GABPB1: variants seen among roughly 807,000 people sequenced by gnomAD.
GABPB1 encodes GA-binding protein subunit beta-1.
A neutral mutation model predicts 45.9 loss-of-function variants in GABPB1; 15 were observed. The observed-to-expected ratio is 0.33, with a 90% CI of 0.22 to 0.50. GABPB1 has a LOEUF of 0.50. Among genes scored for constraint, GABPB1 ranks in the 20% least tolerant of loss-of-function variants. The pLI, the probability that GABPB1 is intolerant of heterozygous loss-of-function variation, is 0.98. For synonymous variants in GABPB1, 143 were observed against 154.4 expected, an observed-to-expected ratio of 0.93 and a Z score of 0.55; for missense variants, 252 against 457.5, an observed-to-expected ratio of 0.55 and a Z score of 4.10.
At chr15:50,297,365 A>G (rs1350793826) in intron 6 of GABPB1, among the ~76,000 whole-genome samples, 2 of 151,728 alleles carry the variant, frequency 1.3e-5, no homozygotes, top group African/African-American at 4.8e-5. Flanking sequence ...GGGGCACACC[A>G]CCACACCCAG....
chr15:50,301,754 C>T (rs1419939397), intron 4 of GABPB1, among the ~76,000 whole-genome samples: 1 of 151,920 alleles, frequency 6.6e-6, no homozygotes, highest in Non-Finnish European at 1.5e-5. Flanking sequence ...ATAGTGAGAC[C>T]CCCATCTCAA....
intron 1 of GABPB1, among the ~76,000 whole-genome samples, chr15:50,312,506 T>G (rs781765523): frequency 6.6e-6 from 1 of 152,176 alleles, no homozygotes; most frequent in Non-Finnish European, 1.5e-5. Context: ...AATATGTAAC[T>G]GCTGGACAGT....
chr15:50,333,482 C>T (rs2048012036), intron 1 of GABPB1, among the ~76,000 whole-genome samples: 1 of 152,074 alleles, frequency 6.6e-6, no homozygotes, highest in Non-Finnish European at 1.5e-5. Context: ...GCCTGGGTGA[C>T]AGAGTGAGAC....
rs529947246 is a variant in GABPB1, at chr15:50,319,729, C to T, written c.1-9931G>A. Among the ~76,000 whole-genome samples, 20 of 152,054 alleles carry T rather than the reference C, an allele frequency of 1.3e-4. No individual in the cohort carries two copies. The East Asian group carries it at 2.5e-3, about 19-fold the overall frequency. On this transcript the variant is annotated intron_variant, in intron 1 of 8. Coordinates refer to ENST00000380877, the MANE Select transcript of GABPB1 (RefSeq NM_016654.5). ...GCAGGCGCCTGTAATCCCAGCTACTCGGGAAGCTGAGGCAGGAGAATCGTT... is the reference window on the plus strand; with the variant it reads ...GCAGGCGCCTGTAATCCCAGCTACTTGGGAAGCTGAGGCAGGAGAATCGTT...
intron 1 of GABPB1, among the ~76,000 whole-genome samples, chr15:50,334,025 G>A (rs1241935450): frequency 4.5e-5 from 5 of 111,184 alleles, no homozygotes; most frequent in South Asian, 2.8e-4. Flanking sequence ...AGTGAAACTC[G>A]ATCTCAAAAA....
chr15:50,351,909 G>A (rs913007907), intron 1 of GABPB1: 1 of 152,190 alleles, frequency 6.6e-6, no homozygotes, highest in Non-Finnish European at 1.5e-5. Flanking sequence ...GCACATCAGA[G>A]CTATAGAAAC....
chr15:50,287,550 C>A (rs2046206734), intron 7 of GABPB1, among the ~76,000 whole-genome samples: 2 of 152,144 alleles, frequency 1.3e-5, no homozygotes, highest in Non-Finnish European at 2.9e-5. Flanking sequence ...CTGAGGTAGA[C>A]CATGTGAGGA....
Position 50,351,699 on chromosome 15 carries a change from G to A in GABPB1, c.-1+3286C>T, listed in dbSNP as rs1411983815. ...AGGGAGGGAGGGAGGGAGACAGAAA[G>A]GTGCACTAGCCCACCAACTGAACTG... On this transcript the variant is annotated intron_variant, in intron 1 of 8. Transcript: ENST00000380877. 4 of 151,622 alleles carry A rather than the reference G, an allele frequency of 2.6e-5. No individual in the cohort carries two copies. The East Asian group carries it at 7.8e-4, about 29-fold the overall frequency. The allele number at this position is 151,622 out of a possible 1,614,324, so 9.4% of individuals were successfully genotyped here.
chr15:50,355,130 G>T lies in GABPB1; in HGVS notation c.-146C>A, dbSNP rs1200734795. ...GGGCGCTATTTTCCGAAAATGCCGC[G>T]TCTGGTCGGCGCCCAAAATCCCCAC... On this transcript the variant is annotated 5_prime_UTR_variant, in exon 1 of 9. Transcript: ENST00000380877. 3 of 153,126 alleles carry T rather than the reference G, an allele frequency of 2.0e-5. No homozygotes were observed. The highest frequency in any genetic ancestry group is 4.4e-5 in the Non-Finnish European group (3 of 68,306). The allele number at this position is 153,126 out of a possible 1,614,324, so 9.5% of individuals were successfully genotyped here. A position where few individuals can be genotyped will look rare whatever the true frequency, so the allele number is the denominator to read the frequency against.
intron 7 of GABPB1, among the ~76,000 whole-genome samples, chr15:50,286,566 C>T (rs2046163737): frequency 6.6e-6 from 1 of 151,980 alleles, no homozygotes; most frequent in Admixed American, 6.6e-5. Flanking sequence ...AATTAGTATA[C>T]ATTCTCATTT....
At chr15:50,292,638 A>G (rs2046387434) in intron 6 of GABPB1, among the ~76,000 whole-genome samples, 1 of 152,184 alleles carries the variant, frequency 6.6e-6, no homozygotes, top group Non-Finnish European at 1.5e-5. Context: ...AAATCTGACT[A>G]TACACGACAT....
chr15:50,294,126 G>A (rs1393519137), intron 6 of GABPB1, among the ~76,000 whole-genome samples: 1 of 152,096 alleles, frequency 6.6e-6, no homozygotes, highest in African/African-American at 2.4e-5. Context: ...TAAGAATTCT[G>A]AATTCAGATG....
chr15:50,309,635 C>CA lies in GABPB1; in HGVS notation c.108+55dup, dbSNP rs1028283184. 23 of 1,116,050 alleles carry CA rather than the reference C, an allele frequency of 2.1e-5. No individual in the cohort carries two copies. The African/African-American group carries it at 3.1e-4, about 15-fold the overall frequency. 69.1% of individuals were successfully genotyped at this position (1,116,050 alleles called of 1,614,324 possible). A position where few individuals can be genotyped will look rare whatever the true frequency, so the allele number is the denominator to read the frequency against. On this transcript the variant is annotated intron_variant, in intron 2 of 8. Coordinates refer to ENST00000380877, the MANE Select transcript of GABPB1 (RefSeq NM_016654.5). Reference sequence around the variant, plus strand: ...ACAATACTGACTACATTTTTCTCTGCAAAAACTCAAAAATGAGAAGGAAAA... The same window carrying CA: ...ACAATACTGACTACATTTTTCTCTGCAAAAAACTCAAAAATGAGAAGGAAAA...
chr15:50,307,584 C>T (rs1450199090), intron 2 of GABPB1, among the ~76,000 whole-genome samples: 2 of 151,834 alleles, frequency 1.3e-5, no homozygotes, highest in African/African-American at 4.8e-5. Context: ...TGCCTGTAAT[C>T]TCAGCTACTT....
intron 8 of GABPB1, among the ~76,000 whole-genome samples, chr15:50,281,507 G>C (rs368436551): frequency 2.6e-5 from 4 of 152,228 alleles, no homozygotes; most frequent in African/African-American, 2.4e-5. Context: ...CACTGCGCCC[G>C]GCCTAAATGT....
intron 1 of GABPB1, chr15:50,354,283 C>G (rs548970070): frequency 9.7e-6 from 4 of 413,240 alleles, no homozygotes; most frequent in African/African-American, 2.1e-5. Context: ...AAGTCCCGAG[C>G]CTTCAGAACG....
At position 50,278,329 on chromosome 15, in the gene GABPB1, C is replaced by A. The variant is rs2045879587; in HGVS notation, c.*303G>T. On this transcript the variant is annotated 3_prime_UTR_variant, in exon 9 of 9. Coordinates refer to ENST00000380877, the MANE Select transcript of GABPB1 (RefSeq NM_016654.5). The stretch of plus-strand genomic sequence containing the variant: ...GAGAAATTAAGGTTTGTACTAAAAT[C>A]AAAAAGAATTCACAAAAACAGTGGC... 1 of 192,266 alleles carries A rather than the reference C, an allele frequency of 5.2e-6. No homozygotes were observed. The highest frequency in any genetic ancestry group is 1.3e-4 in the East Asian group (1 of 7,816). 11.9% of individuals were successfully genotyped at this position (192,266 alleles called of 1,614,324 possible).
intron 6 of GABPB1, 81 bp downstream of exon 6, chr15:50,300,708 G>C (rs1018047416): frequency 1.7e-5 from 14 of 843,228 alleles, no homozygotes; most frequent in Non-Finnish European, 2.2e-5. Flanking sequence ...CCCTCCCAAA[G>C]TGCTAGGATT....
At chr15:50,283,799 A>G (rs1031991925) in intron 8 of GABPB1, among the ~76,000 whole-genome samples, 3 of 152,206 alleles carry the variant, frequency 2.0e-5, no homozygotes, top group Non-Finnish European at 4.4e-5. Flanking sequence ...GGTGTAGGCC[A>G]CCGCACCCAG....
Sources: gnomAD v4.1 joint callset for allele counts (sites outside exome capture counted in the v4.1 genomes callset) on GRCh38, gnomAD v4.1.1 for gene constraint, MANE v1.5 for transcripts, NCBI Gene and HGNC (gene_info 2026-07-23, HGNC 2026-07-21) for gene names.